KANK1: variants seen among roughly 807,000 people sequenced by gnomAD.
KANK1 encodes the protein KN motif and ankyrin repeat domains 1, also known as KN motif and ankyrin repeat domain-containing protein 1.
In KANK1, 109 loss-of-function variants were observed where a neutral mutation model predicts 106.2. The ratio of observed to expected loss-of-function variants is 1.03; its 90% confidence interval spans 0.88 to 1.20. KANK1 has a LOEUF of 1.20. Among genes scored for constraint, KANK1 ranks in the 50% most tolerant of loss-of-function variants. KANK1 has a pLI of 0.00. For synonymous variants in KANK1, 873 were observed against 652.2 expected, an observed-to-expected ratio of 1.34 and a Z score of -5.16; for missense variants, 2,399 against 1,710.7, an observed-to-expected ratio of 1.40 and a Z score of -7.10.
chr9:715,285 C>T (rs942970358), intron 3 of KANK1, among the ~76,000 whole-genome samples: 1 of 152,174 alleles, frequency 6.6e-6, no homozygotes, highest in Non-Finnish European at 1.5e-5. Flanking sequence ...TCTGCAAGAA[C>T]TCATGCCATG....
At chr9:647,058 G>A (rs114521453) in intron 1 of KANK1, among the ~76,000 whole-genome samples, 2,098 of 151,034 alleles carry the variant, frequency 0.014, 207 homozygotes, top group African/African-American at 0.049. Context: ...GAGTTACTAG[G>A]CCTTCCAGAA....
intron 1 of KANK1, among the ~76,000 whole-genome samples, chr9:527,724 T>G (rs1252773651): frequency 1.3e-5 from 2 of 150,906 alleles, no homozygotes; most frequent in Non-Finnish European, 2.9e-5. Context: ...ACCTTCACAC[T>G]TACTAGTTTG....
At chr9:688,931 T>G (rs1325318891) in intron 2 of KANK1, among the ~76,000 whole-genome samples, 1 of 152,194 alleles carries the variant, frequency 6.6e-6, no homozygotes, top group Non-Finnish European at 1.5e-5. Context: ...TTTCCTTCTT[T>G]CCCACTGTTT....
intron 1 of KANK1, among the ~76,000 whole-genome samples, chr9:508,865 A>G (rs1166904549): frequency 1.3e-5 from 2 of 152,186 alleles, no homozygotes; most frequent in African/African-American, 4.8e-5. Flanking sequence ...ATTCTAGTAC[A>G]CGTCTTGATA....
chr9:742,283 G>A lies in KANK1; in HGVS notation c.3775G>A (p.Asp1259Asn), dbSNP rs1198782959. 1.2e-6 allele frequency: 2 copies of A among 1,614,184 alleles called. No homozygotes were observed. Among genetic ancestry groups the A allele is most frequent in the Admixed American group, 1.7e-5 (1 of 60,024 alleles). Residue 1259 changes from aspartate (D) to asparagine (N), a missense_variant, in exon 10 of 12, where the codon GAT becomes AAT. Physicochemically the swap from Asp to Asn is conservative, Grantham distance 23. Transcript: ENST00000382297. ...GAAGGGCCTTCTGGCCTGTGGGGCT[G>A]ATGTCAACATCCAGGATGACGAGGG... ...MVKGLLACGA[D>N]VNIQDDEGST...
chr9:556,359 T>A (rs1303828614), intron 1 of KANK1, among the ~76,000 whole-genome samples: 1 of 152,224 alleles, frequency 6.6e-6, no homozygotes, highest in African/African-American at 2.4e-5. Flanking sequence ...AGGGAAGACT[T>A]AGGGAACCTT....
At chr9:499,655 A>G (rs1229593992) in intron 3 of KANK1, among the ~76,000 whole-genome samples, 1 of 152,184 alleles carries the variant, frequency 6.6e-6, no homozygotes, top group Non-Finnish European at 1.5e-5. Flanking sequence ...GACACCTTAA[A>G]AACAGGAAAA....
chr9:586,352 A>G (rs1488013780), intron 1 of KANK1, among the ~76,000 whole-genome samples: 3 of 152,190 alleles, frequency 2.0e-5, no homozygotes, highest in Admixed American at 6.5e-5. Flanking sequence ...TGTAAGAGAG[A>G]GTGGATAGGC....
intron 1 of KANK1, among the ~76,000 whole-genome samples, chr9:665,470 G>A (rs996632301): frequency 7.9e-5 from 12 of 152,150 alleles, no homozygotes; most frequent in African/African-American, 2.9e-4. Flanking sequence ...AAAATTAGTT[G>A]GCTGCAAATG....
chr9:649,565 A>G (rs1840432827), intron 1 of KANK1, among the ~76,000 whole-genome samples: 3 of 152,216 alleles, frequency 2.0e-5, no homozygotes, highest in Admixed American at 6.5e-5. Flanking sequence ...GCTACACACT[A>G]TAGCAGGTTT....
At chr9:642,202 C>G (rs1362715423) in intron 1 of KANK1, among the ~76,000 whole-genome samples, 8 of 143,306 alleles carry the variant, frequency 5.6e-5, no homozygotes, top group African/African-American at 2.4e-4. Context: ...CCTCATTGTG[C>G]TTCCTGACTT....
intron 1 of KANK1, among the ~76,000 whole-genome samples, chr9:603,565 A>G (rs1164404160): frequency 1.3e-5 from 2 of 151,810 alleles, no homozygotes; most frequent in African/African-American, 4.9e-5. Context: ...TAACTCTAAA[A>G]TCATCTTTTT....
intron 2 of KANK1, among the ~76,000 whole-genome samples, chr9:694,670 C>G (rs969515992): frequency 6.6e-6 from 1 of 152,200 alleles, no homozygotes; most frequent in African/African-American, 2.4e-5. Flanking sequence ...TTTATTAAGA[C>G]AGGCCGTTCC....
At chr9:630,786 C>T (rs933396024) in intron 1 of KANK1, among the ~76,000 whole-genome samples, 3 of 151,322 alleles carry the variant, frequency 2.0e-5, no homozygotes, top group African/African-American at 4.9e-5. Flanking sequence ...GCCTGTAATC[C>T]CAGCTCCTTG....
At chr9:585,106 A>G (rs953595259) in intron 1 of KANK1, among the ~76,000 whole-genome samples, 3 of 152,050 alleles carry the variant, frequency 2.0e-5, no homozygotes, top group African/African-American at 7.2e-5. Flanking sequence ...CCTTGTGGTT[A>G]TTCTCCTGCC....
At chr9:736,081 C>T (rs938975793) in intron 7 of KANK1, among the ~76,000 whole-genome samples, 4 of 152,152 alleles carry the variant, frequency 2.6e-5, no homozygotes, top group Non-Finnish European at 4.4e-5. Context: ...CCTCACCCTC[C>T]CCAGTAGCTG....
intron 3 of KANK1, among the ~76,000 whole-genome samples, chr9:724,203 T>A (rs1395082610): frequency 6.6e-6 from 1 of 152,198 alleles, no homozygotes; most frequent in African/African-American, 2.4e-5. Flanking sequence ...ATGGTTTGCA[T>A]TTTTTAGAGT....
chr9:732,236 C>CTTACT, intron 5 of KANK1, 142 bp from the exon 6 acceptor site: 1 of 964,410 alleles, frequency 1.0e-6, no homozygotes, highest in Non-Finnish European at 1.5e-6. Flanking sequence ...TTAAATAGAC[C>CTTACT]TTACTTTGAA....
Position 700,517 on chromosome 9 carries a change from C to T in KANK1, c.38-10287C>T, listed in dbSNP as rs75366801. Among the ~76,000 whole-genome samples the T allele has an allele frequency of 5.3e-4, 80 of 152,280 alleles. 1 individual carries two copies. In the South Asian group the frequency reaches 0.015, roughly 28 times the overall value. On this transcript the variant is annotated intron_variant, in intron 2 of 11. Coordinates refer to ENST00000382297, the MANE Select transcript of KANK1 (RefSeq NM_015158.5). ...GAGTAATTAGCTTCATGAGAACTTGCCTCTCTTCCTGAGTTCATCCTACTG... is the reference window on the plus strand; with the variant it reads ...GAGTAATTAGCTTCATGAGAACTTGTCTCTCTTCCTGAGTTCATCCTACTG...
Sources: allele counts gnomAD v4.1 joint callset (sites outside exome capture counted in the v4.1 genomes callset), GRCh38; gene constraint gnomAD v4.1.1; transcripts MANE v1.5; gene names NCBI Gene and HGNC (gene_info 2026-07-23, HGNC 2026-07-21).